BCS1L: variants seen among roughly 807,000 people sequenced by gnomAD.
BCS1L encodes the protein mitochondrial chaperone BCS1.
In BCS1L, 38 loss-of-function variants were observed where a neutral mutation model predicts 49.3. The ratio of observed to expected loss-of-function variants is 0.77; its 90% confidence interval spans 0.59 to 1.01. The LOEUF (loss-of-function observed/expected upper bound fraction) is 1.01. Among genes scored for constraint, BCS1L ranks in the 50% least tolerant of loss-of-function variants. BCS1L has a pLI of 0.00. For missense variants in BCS1L, 394 were observed against 540.2 expected (o/e 0.73, Z 2.68); for synonymous variants, 193 against 210.1 (o/e 0.92, Z 0.70).
rs746903284 is a variant in BCS1L at position 218,661,738 on chromosome 2, A to T, written c.461-21A>T. 6.2e-7 allele frequency: 1 copy of T among 1,607,446 alleles called. No individual in the cohort carries two copies. Among genetic ancestry groups the T allele is most frequent in the Non-Finnish European group, 8.5e-7 (1 of 1,175,512 alleles). ...CATGGTGAAGAGAATTATTGGCTTT[A>T]TCTCATCTTCTCCTTCCCAGCTCGA... On this transcript the variant is annotated intron_variant, in intron 3 of 7. Coordinates refer to ENST00000359273, the MANE Select transcript of BCS1L (RefSeq NM_001079866.2). This position sits in a 1 kb window ranked among gnomAD's most constrained non-coding sequence, Gnocchi z 5.9.
At position 218,661,544 on chromosome 2, in the gene BCS1L, A is replaced by G; in HGVS notation, c.459A>G (p.Glu153=). Residue 153 remains glutamate, a splice_region_variant and synonymous_variant, in exon 3 of 8, where the codon GAA becomes GAG. Coordinates refer to ENST00000359273, the MANE Select transcript of BCS1L (RefSeq NM_001079866.2). This position sits in a 1 kb window ranked among gnomAD's most constrained non-coding sequence, Gnocchi z 5.9. ...DRKVFFNILE[E]ARELALQQEE... is the part of the protein sequence containing the mutation. ...AGGTTTTCTTCAACATCCTGGAGGA[A>G]GGTGTGGGATGGCACAGGCAGGCTT... 6.2e-7 allele frequency: 1 copy of G among 1,614,122 alleles called. No individual in the cohort carries two copies. The highest frequency in any genetic ancestry group is 8.5e-7 in the Non-Finnish European group (1 of 1,180,026).
chr2:218,661,494 T>C lies in BCS1L; in HGVS notation c.409T>C (p.Phe137Leu), dbSNP rs769358314. 3 of 1,614,094 alleles carry C rather than the reference T, an allele frequency of 1.9e-6. No homozygotes were observed. The African/African-American group carries it at 4.0e-5, about 22-fold the overall frequency. Residue 137 changes from phenylalanine (F) to leucine (L), a missense_variant, in exon 3 of 8, where the codon TTC becomes CTC. Physicochemically the swap from Phe to Leu is conservative, Grantham distance 22 (BLOSUM62 0). Transcript: ENST00000359273. The surrounding 1 kb of genome is among the most constrained non-coding windows in gnomAD (Gnocchi z 5.9). Reference sequence around the variant, plus strand: ...GGGGACTCCTTGGGAATCTGTCACCTTCACGGCCCTGGGCACTGACCGAAA... The same window carrying C: ...GGGGACTCCTTGGGAATCTGTCACCCTCACGGCCCTGGGCACTGACCGAAA... Reference protein sequence around the residue: ...QTGTPWESVTFTALGTDRKVF... With the variant: ...QTGTPWESVTLTALGTDRKVF...
Position 218,661,345 on chromosome 2 carries a change from A to G in BCS1L, c.320+38A>G. On this transcript the variant is annotated intron_variant, in intron 2 of 7. Coordinates refer to ENST00000359273, the MANE Select transcript of BCS1L (RefSeq NM_001079866.2). This position sits in a 1 kb window ranked among gnomAD's most constrained non-coding sequence, Gnocchi z 5.9. ...GCTAGGGAGGGCTGTGAGAGTAGAA[A>G]AGAATGATGGGAGCTGGGTTTGACC... 3 of 1,614,216 alleles carry G rather than the reference A, an allele frequency of 1.9e-6. No individual in the cohort carries two copies. The highest frequency in any genetic ancestry group is 2.5e-6 in the Non-Finnish European group (3 of 1,180,024).
In BCS1L at chr2:218,662,461, G is replaced by T; in HGVS notation, c.720-49G>T. On this transcript the variant is annotated intron_variant, in intron 5 of 7. Transcript: ENST00000359273. This position sits in a 1 kb window ranked among gnomAD's most constrained non-coding sequence, Gnocchi z 5.8. ...GGTGAGGAGAGTAGCTGGGCCTGAGGAAGCATTTCCAGGTTGCCTGCTACC... is the reference window on the plus strand; with the variant it reads ...GGTGAGGAGAGTAGCTGGGCCTGAGTAAGCATTTCCAGGTTGCCTGCTACC... The T allele has an allele frequency of 6.2e-7, 1 of 1,611,712 alleles. No individual in the cohort carries two copies.
At chr2:218,658,767 G>A (rs1938916259), upstream of BCS1L, 1 of 152,130 alleles carries the variant, frequency 6.6e-6, no homozygotes, top group African/African-American at 2.4e-5. Context: ...GGGAGCCAAG[G>A]AGGACGCTGA....
Position 218,661,796 on chromosome 2 carries a change from C to A in BCS1L, c.498C>A (p.Thr166=), listed in dbSNP as rs144714144. ...ELALQQEEGK[T]VMYTAVGSEW... ...CCTTGCAGCAGGAGGAAGGGAAGAC[C>A]GTGATGTACACAGCTGTGGGCTCTG... is the stretch of plus-strand genomic sequence containing the variant. The change falls in exon 4 of 8, where the codon ACC becomes ACA. Residue 166 remains threonine (T), a synonymous_variant. Transcript: ENST00000359273. This position sits in a 1 kb window ranked among gnomAD's most constrained non-coding sequence, Gnocchi z 5.9. 4 of 1,611,338 alleles carry A rather than the reference C, an allele frequency of 2.5e-6. No individual in the cohort carries two copies. The African/African-American group carries it at 5.3e-5, about 22-fold the overall frequency.
Position 218,661,469 on chromosome 2 carries a change from G to A in BCS1L, c.384G>A (p.Thr128=), listed in dbSNP as rs1027271702. The A allele has an allele frequency of 7.4e-6, 12 of 1,614,156 alleles. No homozygotes were observed. Among genetic ancestry groups the A allele is most frequent in the Middle Eastern group, 1.6e-4 (1 of 6,062 alleles). Reference sequence around the variant, plus strand: ...AGATGCAGATGATAGACTTGCAGACGGGGACTCCTTGGGAATCTGTCACCT... The same window carrying A: ...AGATGCAGATGATAGACTTGCAGACAGGGACTCCTTGGGAATCTGTCACCT... ...SREMQMIDLQ[T]GTPWESVTFT... The change falls in exon 3 of 8, where the codon ACG becomes ACA. Residue 128 remains threonine (T), a synonymous_variant. Transcript: ENST00000359273. This position sits in a 1 kb window ranked among gnomAD's most constrained non-coding sequence, Gnocchi z 5.9.
Position 218,662,757 on chromosome 2 carries a change from G to A in BCS1L, c.889+78G>A. The A allele has an allele frequency of 1.2e-6, 2 of 1,608,612 alleles. No homozygotes were observed. Among genetic ancestry groups the A allele is most frequent in the East Asian group, 2.2e-5 (1 of 44,854 alleles). ...GAAAGCAGAAATCCAGAGGGCTGGT[G>A]GAAGATGCCTGGGTTAGTGACAAGA... is the stretch of plus-strand genomic sequence containing the variant. On this transcript the variant is annotated intron_variant, in intron 6 of 7. Coordinates refer to ENST00000359273, the MANE Select transcript of BCS1L (RefSeq NM_001079866.2). The surrounding 1 kb of genome is among the most constrained non-coding windows in gnomAD (Gnocchi z 5.8).
intron 1 of BCS1L, chr2:218,660,732 C>T (rs977212561): frequency 7.9e-6 from 4 of 505,460 alleles, no homozygotes; most frequent in Middle Eastern, 5.4e-4. Context: ...CAGACATGGT[C>T]CTCTGGTAGG....
rs1457171169 is a variant in BCS1L, at chr2:218,662,897, C to G, written c.904C>G (p.Gln302Glu). Residue 302 changes from glutamine (Q) to glutamate (E), a missense_variant, in exon 7 of 8, where the codon CAA becomes GAA. Physicochemically the swap from Gln to Glu is conservative, Grantham distance 29. Coordinates refer to ENST00000359273, the MANE Select transcript of BCS1L (RefSeq NM_001079866.2). The surrounding 1 kb of genome is among the most constrained non-coding windows in gnomAD (Gnocchi z 5.8). ...DLAVENPVKY[Q>E]GLGRLTFSGL... The stretch of plus-strand genomic sequence containing the variant: ...CCTTCCTCCAGACCCAGTAAAGTAC[C>G]AAGGCCTAGGTCGCCTCACCTTCAG... 2 of 1,614,006 alleles carry G rather than the reference C, an allele frequency of 1.2e-6. No individual in the cohort carries two copies. Among genetic ancestry groups the G allele is most frequent in the Non-Finnish European group, 1.7e-6 (2 of 1,180,014 alleles).
At position 218,663,306 on chromosome 2, in the gene BCS1L, G is replaced by GC; in HGVS notation, c.1183dup (p.Gln395ProfsTer10). 6.2e-7 allele frequency: 1 copy of GC among 1,614,198 alleles called. No individual in the cohort carries two copies. Among genetic ancestry groups the GC allele is most frequent in the Non-Finnish European group, 8.5e-7 (1 of 1,180,028 alleles). On this transcript the variant is annotated frameshift_variant, in exon 8 of 8. Coordinates refer to ENST00000359273, the MANE Select transcript of BCS1L (RefSeq NM_001079866.2). LOFTEE classifies it high-confidence loss of function. The stretch of plus-strand genomic sequence containing the variant: ...TCGAGCTACAAACCAGATCAGTCCT[G>GC]CCCAGGTGCAGGGCTACTTCATGCT...
Position 218,661,153 on chromosome 2 carries a change from C to T in BCS1L, c.166C>T (p.Arg56Ter), listed in dbSNP as rs121908576. Residue 56 changes from arginine (R) to a stop codon, truncating the protein, a stop_gained, in exon 2 of 8, where the codon CGA becomes TGA. Transcript: ENST00000359273. LOFTEE classifies it high-confidence loss of function. The surrounding 1 kb of genome is among the most constrained non-coding windows in gnomAD (Gnocchi z 5.9). ...HYMITLEVPARDRSYAWLLSW... is the reference protein window; with the variant it reads ...HYMITLEVPA ...CATGATCACACTGGAAGTCCCTGCTCGAGACAGGAGCTATGCCTGGTTGCT... is the reference window on the plus strand; with the variant it reads ...CATGATCACACTGGAAGTCCCTGCTTGAGACAGGAGCTATGCCTGGTTGCT... 1.7e-4 allele frequency: 282 copies of T among 1,614,196 alleles called. No individual in the cohort carries two copies. Among genetic ancestry groups the T allele is most frequent in the Admixed American group, 7.2e-4 (43 of 60,028 alleles).
At chr2:218,660,905 G>A (rs1047143247) in intron 1 of BCS1L, 34 bp from the exon 2 acceptor site, 40 of 1,495,244 alleles carry the variant, frequency 2.7e-5, no homozygotes, top group Non-Finnish European at 3.5e-5. Context: ...TCTAATCTGT[G>A]CTTTGTCCCA....
rs1238780830 is a variant in BCS1L, at chr2:218,662,498, CATGCTCCA to C, written c.720-11_720-4del. 1 of 1,613,456 alleles carries C rather than the reference CATGCTCCA, an allele frequency of 6.2e-7. No homozygotes were observed. ...GGTTGCCTGCTACCTCCTGCCATCC[CATGCTCCA>C]TAGCACAGCCCTGGCTGGGGAACTG... On this transcript the variant is annotated splice_polypyrimidine_tract_variant and splice_region_variant and intron_variant, in intron 5 of 7. Coordinates refer to ENST00000359273, the MANE Select transcript of BCS1L (RefSeq NM_001079866.2). This position sits in a 1 kb window ranked among gnomAD's most constrained non-coding sequence, Gnocchi z 5.8.
chr2:218,661,385 G>A lies in BCS1L; in HGVS notation c.321-21G>A, dbSNP rs1367886801. On this transcript the variant is annotated intron_variant, in intron 2 of 7. Coordinates refer to ENST00000359273, the MANE Select transcript of BCS1L (RefSeq NM_001079866.2). This position sits in a 1 kb window ranked among gnomAD's most constrained non-coding sequence, Gnocchi z 5.9. ...TGGGTTTGACCCATTCACTCACTCAGTTTTGATCGTTCTTATTCAGGTATC... is the reference window on the plus strand; with the variant it reads ...TGGGTTTGACCCATTCACTCACTCAATTTTGATCGTTCTTATTCAGGTATC... 3.1e-6 allele frequency: 5 copies of A among 1,614,114 alleles called. No homozygotes were observed. Among genetic ancestry groups the A allele is most frequent in the Non-Finnish European group, 4.2e-6 (5 of 1,180,048 alleles).
chr2:218,661,090 G>C lies in BCS1L; in HGVS notation c.103G>C (p.Gly35Arg), dbSNP rs121908579. 3 of 1,614,224 alleles carry C rather than the reference G, an allele frequency of 1.9e-6. No individual in the cohort carries two copies. Among genetic ancestry groups the C allele is most frequent in the Non-Finnish European group, 2.5e-6 (3 of 1,180,036 alleles). ...CACAGCCCTGGCCCTGGCCCGGAAGGGTGTCCAACTGGGCCTGGTGGCATT... is the reference window on the plus strand; with the variant it reads ...CACAGCCCTGGCCCTGGCCCGGAAGCGTGTCCAACTGGGCCTGGTGGCATT... ...VGTALALARK[G>R]VQLGLVAFRR... Residue 35 changes from glycine to arginine, a missense_variant, in exon 2 of 8, where the codon GGT (glycine) becomes CGT (arginine). Gly to Arg is a moderately radical substitution (Grantham distance 125, BLOSUM62 -2). Transcript: ENST00000359273. This position sits in a 1 kb window ranked among gnomAD's most constrained non-coding sequence, Gnocchi z 5.9.
chr2:218,662,651 T>C lies in BCS1L; in HGVS notation c.861T>C (p.Ala287=). Residue 287 remains alanine, a synonymous_variant, in exon 6 of 8, where the codon GCT becomes GCC. Transcript: ENST00000359273. This position sits in a 1 kb window ranked among gnomAD's most constrained non-coding sequence, Gnocchi z 5.8. The part of the protein sequence containing the change: ...SLVLLEDVDA[A]FLSRDLAVEN... The stretch of plus-strand genomic sequence containing the variant: ...TACTCCTGGAGGATGTGGATGCTGC[T>C]TTTCTCAGTCGAGACTTGGCTGTGG... 6.2e-7 allele frequency: 1 copy of C among 1,614,100 alleles called. No homozygotes were observed. Among genetic ancestry groups the C allele is most frequent in the East Asian group, 2.2e-5 (1 of 44,876 alleles).
rs1171448570 is a variant in BCS1L at position 218,662,717 on chromosome 2, T to C, written c.889+38T>C. On this transcript the variant is annotated intron_variant, in intron 6 of 7. Coordinates refer to ENST00000359273, the MANE Select transcript of BCS1L (RefSeq NM_001079866.2). This position sits in a 1 kb window ranked among gnomAD's most constrained non-coding sequence, Gnocchi z 5.8. ...TTCTGGAGGAAGTGGAGTGGGTAAC[T>C]GTGGAACAGGGGAAGAAAGCAGAAA... 1 of 1,613,726 alleles carries C rather than the reference T, an allele frequency of 6.2e-7. No individual in the cohort carries two copies. Among genetic ancestry groups the C allele is most frequent in the South Asian group, 1.1e-5 (1 of 91,050 alleles).
At position 218,662,583 on chromosome 2, in the gene BCS1L, C is replaced by T. The variant is rs1939594732; in HGVS notation, c.793C>T (p.Arg265Ter). 1.9e-6 allele frequency: 3 copies of T among 1,614,188 alleles called. No individual in the cohort carries two copies. Among genetic ancestry groups the T allele is most frequent in the South Asian group, 1.1e-5 (1 of 91,078 alleles). The stretch of plus-strand genomic sequence containing the variant: ...CACGGACTCCAGCCTCTCTGATGAC[C>T]GACTCAACCACCTGCTGAGCGTGGC... Reference protein sequence around the residue: ...SLTDSSLSDDRLNHLLSVAPQ... With the variant: ...SLTDSSLSDD The change falls in exon 6 of 8, where the codon CGA (arginine) becomes TGA (stop). Residue 265 changes from arginine to a stop codon, truncating the protein, a stop_gained. Transcript: ENST00000359273. LOFTEE classifies it high-confidence loss of function. This position sits in a 1 kb window ranked among gnomAD's most constrained non-coding sequence, Gnocchi z 5.8.
Sources: gnomAD v4.1 joint callset for allele counts on GRCh38, gnomAD v4.1.1 for gene constraint, Gnocchi (gnomAD v3.1) non-coding constraint, MANE v1.5 for transcripts, NCBI Gene and HGNC (gene_info 2026-07-23, HGNC 2026-07-21) for gene names.